ESYT3: variants seen among roughly 807,000 people sequenced by gnomAD.
The protein encoded by ESYT3 is extended synaptotagmin 3, also known as extended synaptotagmin-3.
In ESYT3, 101 loss-of-function variants were observed where a neutral mutation model predicts 111.5. The ratio of observed to expected loss-of-function variants is 0.91; its 90% CI spans 0.77 to 1.07. The LOEUF (loss-of-function observed/expected upper bound fraction) is 1.07. Ranked by LOEUF, ESYT3 falls within the 50% of genes least tolerant of loss-of-function variation. The pLI is 0.00. For missense variants in ESYT3, 1,097 were observed against 1,109.4 expected (o/e 0.99, Z 0.16); for synonymous variants, 416 against 446.8 (o/e 0.93, Z 0.87).
At chr3:138,460,751 G>A in intron 7 of ESYT3, 85 bp downstream of exon 7, 1 of 1,405,734 alleles carries the variant, frequency 7.1e-7, no homozygotes, top group Non-Finnish European at 1.0e-6. Flanking sequence ...CTGTGCAATG[G>A]TGGTGCTTTC....
intron 1 of ESYT3, among the ~76,000 whole-genome samples, chr3:138,437,699 C>T (rs2108588471): frequency 6.6e-6 from 1 of 152,110 alleles, no homozygotes; most frequent in Non-Finnish European, 1.5e-5. Flanking sequence ...GGAGACAGGC[C>T]AGTTGGGAAG....
intron 7 of ESYT3, among the ~76,000 whole-genome samples, chr3:138,461,381 C>A (rs1216181391): frequency 6.6e-6 from 1 of 152,132 alleles, no homozygotes; most frequent in Non-Finnish European, 1.5e-5. Context: ...GCTCTCAGAG[C>A]CCCAGGCCCC....
intron 9 of ESYT3, among the ~76,000 whole-genome samples, chr3:138,464,718 C>T (rs1428671140): frequency 6.6e-6 from 1 of 152,202 alleles, no homozygotes; most frequent in African/African-American, 2.4e-5. Context: ...ACCTCCTTTC[C>T]CCTTCCAACT....
chr3:138,474,225 C>A lies in ESYT3; in HGVS notation c.2341C>A (p.Leu781Ile). 6.2e-7 allele frequency: 1 copy of A among 1,610,536 alleles called. No individual in the cohort carries two copies. Among genetic ancestry groups the A allele is most frequent in the Non-Finnish European group, 8.5e-7 (1 of 1,178,672 alleles). The change falls in exon 20 of 23, where the codon CTA (leucine) becomes ATA (isoleucine). Residue 781 changes from leucine to isoleucine, a missense_variant. Leu to Ile is a conservative substitution (Grantham distance 5, BLOSUM62 2). Coordinates refer to ENST00000389567, the MANE Select transcript of ESYT3 (RefSeq NM_031913.5). ...ATGTCTTTGACACCAAATCAGAAACCTAACACCATGTACCAGCAGTGGAGC... is the reference window on the plus strand; with the variant it reads ...ATGTCTTTGACACCAAATCAGAAACATAACACCATGTACCAGCAGTGGAGC... ...LSVLINGCRNLTPCTSSGADP... is the reference protein window; with the variant it reads ...LSVLINGCRNITPCTSSGADP...
At chr3:138,480,330 T>A (rs1436339540), downstream of ESYT3, 1 of 152,150 alleles carries the variant, frequency 6.6e-6, no homozygotes, top group African/African-American at 2.4e-5. Flanking sequence ...CTGTTTATAT[T>A]AATGGCAGCA....
intron 3 of ESYT3, among the ~76,000 whole-genome samples, chr3:138,456,081 C>T (rs186592117): frequency 4.4e-4 from 67 of 152,396 alleles, no homozygotes; most frequent in Admixed American, 4.4e-3. Context: ...AGCTGTCTGC[C>T]AGCCCTTCCT....
At chr3:138,470,264 G>T (rs2033151639) in intron 16 of ESYT3, 118 bp downstream of exon 16, 1 of 1,406,660 alleles carries the variant, frequency 7.1e-7, no homozygotes. Context: ...TCAGCCCCTT[G>T]TATGTAAGAG....
chr3:138,443,780 T>C lies in ESYT3; in HGVS notation c.328-8268T>C, dbSNP rs2031339087. ...TGACATGGCTGCTCCATGGGAGAGC[T>C]GCCACCCTGTGCGAGGGAGCTGGCA... On this transcript the variant is annotated intron_variant, in intron 1 of 22. Coordinates refer to ENST00000389567, the MANE Select transcript of ESYT3 (RefSeq NM_031913.5). Among the ~76,000 whole-genome samples the C allele has an allele frequency of 2.1e-5, 3 of 141,906 alleles. No homozygotes were observed. In the South Asian group the frequency reaches 7.0e-4, roughly 33 times the overall value. The allele number at this position is 141,906 out of a possible 152,430, so 93.1% of individuals were successfully genotyped here. A position where few individuals can be genotyped will look rare whatever the true frequency, so the allele number is the denominator to read the frequency against.
rs776823409 is a variant in ESYT3 at position 138,472,846 on chromosome 3, A to G, written c.2224A>G (p.Ser742Gly). The G allele has an allele frequency of 3.1e-6, 5 of 1,613,888 alleles. No individual in the cohort carries two copies. Among genetic ancestry groups the G allele is most frequent in the East Asian group, 2.2e-5 (1 of 44,900 alleles). ...ASSCFDLADI[S>G]LNIEGGDLRR... is the part of the protein sequence containing the mutation. Reference sequence around the variant, plus strand: ...TTCTTGCTTTGACCTGGCAGATATCAGCCTCAACATTGAGTATGCACCTCT... The same window carrying G: ...TTCTTGCTTTGACCTGGCAGATATCGGCCTCAACATTGAGTATGCACCTCT... The change falls in exon 18 of 23, where the codon AGC becomes GGC. Residue 742 changes from serine (S) to glycine (G), a missense_variant. Coordinates refer to ENST00000389567, the MANE Select transcript of ESYT3 (RefSeq NM_031913.5).
At chr3:138,445,037 C>T (rs2031437034) in intron 1 of ESYT3, among the ~76,000 whole-genome samples, 1 of 152,212 alleles carries the variant, frequency 6.6e-6, no homozygotes, top group Non-Finnish European at 1.5e-5. Flanking sequence ...ACGCAGGTTT[C>T]CAGGCTCCTG....
At chr3:138,481,236 T>A (rs138648160), downstream of ESYT3, 1 of 152,344 alleles carries the variant, frequency 6.6e-6, no homozygotes, top group African/African-American at 2.4e-5. Context: ...ATTAGGTACT[T>A]CTGTTCATAA....
At chr3:138,450,432 G>C (rs1447680273) in intron 1 of ESYT3, among the ~76,000 whole-genome samples, 2 of 152,110 alleles carry the variant, frequency 1.3e-5, no homozygotes, top group East Asian at 3.9e-4. Flanking sequence ...ATTCCTTCCC[G>C]CATCGATCTC....
Position 138,472,660 on chromosome 3 carries a change from G to A in ESYT3, c.2038G>A (p.Gly680Arg), listed in dbSNP as rs372599591. Residue 680 changes from glycine to arginine, a missense_variant, in exon 18 of 23, where the codon GGG (glycine) becomes AGG (arginine). Transcript: ENST00000389567. ...TGCCAAAAGGTTCTGTGAGCCCATC[G>A]GGGAGAAGAAGAGTCCAGCCACCAT... ...DSAKRFCEPIGEKKSPATIFL... is the reference protein window; with the variant it reads ...DSAKRFCEPIREKKSPATIFL... 7.0e-5 allele frequency: 113 copies of A among 1,614,062 alleles called. No homozygotes were observed. The highest frequency in any genetic ancestry group is 3.7e-4 in the African/African-American group (28 of 74,924).
chr3:138,479,277 T>TAAAC lies in ESYT3; in HGVS notation c.*2427_*2430dup, dbSNP rs1397482816. 1 of 152,136 alleles carries TAAAC rather than the reference T, an allele frequency of 6.6e-6. No homozygotes were observed. The highest frequency in any genetic ancestry group is 1.5e-5 in the Non-Finnish European group (1 of 68,020). 9.4% of individuals were successfully genotyped at this position (152,136 alleles called of 1,614,324 possible). A position where few individuals can be genotyped will look rare whatever the true frequency, so the allele number is the denominator to read the frequency against. ...TTTGATGATGATTGTTCACAAGATA[T>TAAAC]AAACAAATAACCAAAGATTTTTGCA... On this transcript the variant is annotated 3_prime_UTR_variant, in exon 23 of 23. Transcript: ENST00000389567.
intron 10 of ESYT3, 62 bp downstream of exon 10, chr3:138,465,483 C>G: frequency 7.6e-7 from 1 of 1,319,160 alleles, no homozygotes; most frequent in South Asian, 1.3e-5. Flanking sequence ...GGGTGCTGGG[C>G]TAGATACCCT....
intron 1 of ESYT3, among the ~76,000 whole-genome samples, chr3:138,443,763 C>G (rs1234404075): frequency 9.8e-6 from 1 of 102,144 alleles, no homozygotes; most frequent in East Asian, 6.2e-4. Context: ...TGTGACATGG[C>G]TGCTCCATGG....
At chr3:138,442,355 T>G (rs2031217563) in intron 1 of ESYT3, among the ~76,000 whole-genome samples, 1 of 152,226 alleles carries the variant, frequency 6.6e-6, no homozygotes, top group Non-Finnish European at 1.5e-5. Context: ...AACAAACTTC[T>G]AAGGACGATC....
chr3:138,476,072 T>C (rs2033467241), intron 20 of ESYT3, 151 bp from the exon 21 acceptor site: 4 of 613,272 alleles, frequency 6.5e-6, no homozygotes, highest in South Asian at 2.0e-5. Flanking sequence ...GTAATAATGA[T>C]ACATCGTGAG....
intron 20 of ESYT3, 193 bp downstream of exon 20, chr3:138,474,545 C>A: frequency 1.9e-6 from 1 of 516,718 alleles, no homozygotes; most frequent in Non-Finnish European, 3.2e-6. Context: ...TCAAAATGGC[C>A]ACCTACATTT....
Sources: allele counts gnomAD v4.1 joint callset (sites outside exome capture counted in the v4.1 genomes callset), GRCh38; gene constraint gnomAD v4.1.1; transcripts MANE v1.5; gene names NCBI Gene and HGNC (gene_info 2026-07-23, HGNC 2026-07-21).